Variants in FHIP1A observed in about 807,000 individuals in gnomAD.
FHIP1A encodes FHF complex subunit HOOK interacting protein 1A.
Under a neutral mutation model 88.6 loss-of-function variants are expected in FHIP1A, and 61 were observed. The observed-to-expected ratio is 0.69, with a 90% confidence interval of 0.56 to 0.85. The LOEUF (loss-of-function observed/expected upper bound fraction) is 0.85, where lower values mean the gene tolerates loss of function less well. Ranked by LOEUF, FHIP1A falls within the 40% of genes least tolerant of loss-of-function variation. The pLI is 0.00. For synonymous variants in FHIP1A, 478 were observed against 496.0 expected (o/e 0.96, Z 0.48); for missense variants, 1,154 against 1,273.5 (o/e 0.91, Z 1.43).
intron 3 of FHIP1A, among the ~76,000 whole-genome samples, chr4:151,531,016 A>G (rs748800337): frequency 5.9e-5 from 9 of 152,184 alleles, no homozygotes; most frequent in Non-Finnish European, 1.2e-4. Flanking sequence ...ACAGTAATGG[A>G]CAGGAGCCTT....
At chr4:151,644,332 G>A (rs757896331) in intron 9 of FHIP1A, among the ~76,000 whole-genome samples, 14 of 149,472 alleles carry the variant, frequency 9.4e-5, no homozygotes, top group Non-Finnish European at 1.9e-4. Flanking sequence ...GGATCACCAA[G>A]TGAGAAATCT....
At chr4:151,640,034 A>G (rs970259497) in intron 9 of FHIP1A, among the ~76,000 whole-genome samples, 1 of 152,200 alleles carries the variant, frequency 6.6e-6, no homozygotes, top group African/African-American at 2.4e-5. Context: ...GCTCTGGAAA[A>G]GCCAGGGGTG....
chr4:151,617,757 G>A (rs1264879559), intron 7 of FHIP1A, among the ~76,000 whole-genome samples: 2 of 152,104 alleles, frequency 1.3e-5, no homozygotes, highest in African/African-American at 4.8e-5. Flanking sequence ...ATGGTGGCGT[G>A]TGCCTGTAAT....
intron 3 of FHIP1A, among the ~76,000 whole-genome samples, chr4:151,512,737 A>G (rs1197163914): frequency 2.6e-5 from 4 of 152,166 alleles, no homozygotes; most frequent in African/African-American, 4.8e-5. Flanking sequence ...TGAAGTGAGA[A>G]GGGAAGTTTA....
At chr4:151,508,346 G>A (rs1256600214) in intron 3 of FHIP1A, among the ~76,000 whole-genome samples, 2 of 152,210 alleles carry the variant, frequency 1.3e-5, no homozygotes, top group East Asian at 3.9e-4. Flanking sequence ...GTGCAGCCTA[G>A]TAATGTTAGG....
intron 3 of FHIP1A, among the ~76,000 whole-genome samples, chr4:151,546,980 A>G (rs1732530806): frequency 6.6e-6 from 1 of 151,858 alleles, no homozygotes; most frequent in South Asian, 2.1e-4. Context: ...AGCACCCGCC[A>G]CCCCCTGCCT....
In FHIP1A at chr4:151,577,503, T is replaced by G; in HGVS notation, c.159T>G (p.Tyr53Ter). 2 of 1,549,872 alleles carry G rather than the reference T, an allele frequency of 1.3e-6. No individual in the cohort carries two copies. The highest frequency in any genetic ancestry group is 1.7e-6 in the Non-Finnish European group (2 of 1,145,778). Residue 53 changes from tyrosine to a stop codon, truncating the protein, a stop_gained, in exon 5 of 14, where the codon TAT (tyrosine) becomes TAG (stop). Coordinates refer to ENST00000435205, the MANE Select transcript of FHIP1A (RefSeq NM_001109977.3). LOFTEE classifies it high-confidence loss of function. ...HDPLKNTQAKYGSIPPDEASA... is the reference protein window; with the variant it reads ...HDPLKNTQAK ...CCTTGAAGAACACCCAGGCAAAATA[T>G]GGGTCTATCCCTCCAGATGAGGCCA...
At chr4:151,550,229 A>T (rs1392130919) in intron 3 of FHIP1A, among the ~76,000 whole-genome samples, 1 of 152,186 alleles carries the variant, frequency 6.6e-6, no homozygotes, top group Non-Finnish European at 1.5e-5. Context: ...TTCATCCTTC[A>T]TGTTACAAAC....
intron 7 of FHIP1A, among the ~76,000 whole-genome samples, chr4:151,608,016 CTT>C (rs1488743461): frequency 1.5e-3 from 149 of 101,346 alleles, no homozygotes; most frequent in African/African-American, 3.2e-3. Context: ...TTTCTTTTTT[CTT>C]TTCTTTTTCT....
chr4:151,414,706 G>A (rs1404599982), intron 1 of FHIP1A, among the ~76,000 whole-genome samples: 1 of 152,136 alleles, frequency 6.6e-6, no homozygotes, highest in Non-Finnish European at 1.5e-5. Context: ...GGATACTACT[G>A]CCTTCTAAAA....
intron 2 of FHIP1A, among the ~76,000 whole-genome samples, chr4:151,469,541 A>G (rs1277755755): frequency 6.6e-6 from 1 of 152,188 alleles, no homozygotes; most frequent in Non-Finnish European, 1.5e-5. Flanking sequence ...AAAAGCTTGG[A>G]CACTCCCACT....
intron 1 of FHIP1A, among the ~76,000 whole-genome samples, chr4:151,449,458 A>G (rs1310304059): frequency 6.6e-6 from 1 of 152,098 alleles, no homozygotes. Context: ...CAATACATGT[A>G]TACATTGTAT....
At chr4:151,456,528 T>C (rs1010707096) in intron 2 of FHIP1A, among the ~76,000 whole-genome samples, 1 of 152,166 alleles carries the variant, frequency 6.6e-6, no homozygotes, top group African/African-American at 2.4e-5. Context: ...CTTATGGGAC[T>C]TCTTAAGGGC....
At chr4:151,561,373 C>T (rs12647566) in intron 3 of FHIP1A, among the ~76,000 whole-genome samples, 48,441 of 151,910 alleles carry the variant, frequency 0.32, 7,748 homozygotes, top group Non-Finnish European at 0.33. Flanking sequence ...CTTTATTTTT[C>T]GCAGTCCAGC....
chr4:151,659,707 G>A (rs1157488934), intron 13 of FHIP1A, among the ~76,000 whole-genome samples: 1 of 152,146 alleles, frequency 6.6e-6, no homozygotes, highest in Non-Finnish European at 1.5e-5. Context: ...CCTTTTATGA[G>A]GGGCGTAACT....
At chr4:151,444,412 T>C (rs905739821) in intron 1 of FHIP1A, among the ~76,000 whole-genome samples, 8 of 152,062 alleles carry the variant, frequency 5.3e-5, no homozygotes, top group African/African-American at 1.2e-4. Flanking sequence ...TTAAAGAAAC[T>C]TAATAAAATG....
At chr4:151,634,081 T>G (rs1283733656) in intron 8 of FHIP1A, among the ~76,000 whole-genome samples, 2 of 151,866 alleles carry the variant, frequency 1.3e-5, no homozygotes, top group African/African-American at 4.8e-5. Context: ...TCAGTAAAGT[T>G]ACAGGATACA....
intron 3 of FHIP1A, among the ~76,000 whole-genome samples, chr4:151,538,162 A>G (rs1732141375): frequency 1.3e-5 from 2 of 151,768 alleles, no homozygotes; most frequent in Admixed American, 1.3e-4. Flanking sequence ...TTGAGGGTGA[A>G]CTCTTTAACC....
chr4:151,549,900 AT>A, intron 3 of FHIP1A, among the ~76,000 whole-genome samples: 1 of 152,292 alleles, frequency 6.6e-6, no homozygotes, highest in African/African-American at 2.4e-5. Flanking sequence ...AGAGATGAGT[AT>A]GTGTTAAAGT....
Sources: gnomAD v4.1 joint callset for allele counts (sites outside exome capture counted in the v4.1 genomes callset) on GRCh38, gnomAD v4.1.1 for gene constraint, MANE v1.5 for transcripts, NCBI Gene and HGNC (gene_info 2026-07-23, HGNC 2026-07-21) for gene names.